The following SAMD5 variants were observed in gnomAD, a reference collection of about 807,000 sequenced individuals.
SAMD5 encodes sterile alpha motif domain-containing protein 5.
In SAMD5, 13 loss-of-function variants were observed where a neutral mutation model predicts 11.3. That is an observed-to-expected ratio of 1.15 (90% CI 0.75 to 1.83). The LOEUF (loss-of-function observed/expected upper bound fraction) is 1.83. Among genes scored for constraint, SAMD5 ranks in the 40% most tolerant of loss-of-function variants. The pLI, the probability that SAMD5 is intolerant of heterozygous loss-of-function variation, is 0.00. For missense variants in SAMD5, 255 were observed against 239.1 expected (o/e 1.07, Z -0.44); for synonymous variants, 129 against 111.3 (o/e 1.16, Z -1.00).
chr6:147,916,589 G>C, the SAMD5 span, among the ~76,000 whole-genome samples: 1 of 151,864 alleles, frequency 6.6e-6, no homozygotes, highest in African/African-American at 2.4e-5. Context: ...AAGTTTTAGG[G>C]TACATGTGTA....
In SAMD5 at chr6:147,567,002, A is replaced by G. The variant is rs1477642783; in HGVS notation, c.*2546A>G. ...AATTGACTAAGAATAAATATGTTATAAAAACTAGGGGATTATCTTGATTTA... is the reference window on the plus strand; with the variant it reads ...AATTGACTAAGAATAAATATGTTATGAAAACTAGGGGATTATCTTGATTTA... On this transcript the variant is annotated 3_prime_UTR_variant, in exon 2 of 2. Transcript: ENST00000367474. The G allele has an allele frequency of 1.2e-6, 1 of 845,812 alleles. No homozygotes were observed. Among genetic ancestry groups the G allele is most frequent in the Non-Finnish European group, 1.4e-6 (1 of 703,138 alleles). The allele number at this position is 845,812 out of a possible 1,614,324, so 52.4% of individuals were successfully genotyped here. A position where few individuals can be genotyped will look rare whatever the true frequency, so the allele number is the denominator to read the frequency against.
At chr6:147,530,458 C>T (rs1361158517) in intron 1 of SAMD5, among the ~76,000 whole-genome samples, 1 of 152,236 alleles carries the variant, frequency 6.6e-6, no homozygotes, top group African/African-American at 2.4e-5. Context: ...TTCCTATATG[C>T]TGAGGAGCAC....
downstream of SAMD5, among the ~76,000 whole-genome samples, chr6:147,571,507 G>T (rs1023499594): frequency 2.7e-5 from 4 of 150,032 alleles, no homozygotes; most frequent in African/African-American, 9.9e-5. Context: ...ACCTCCTAGA[G>T]TTACCCTGAG....
the SAMD5 span, among the ~76,000 whole-genome samples, chr6:147,770,474 C>T: frequency 6.6e-6 from 1 of 152,180 alleles, no homozygotes; most frequent in African/African-American, 2.4e-5. Context: ...CATTCATTGA[C>T]TGACTGAGTT....
chr6:147,856,632 A>G, the SAMD5 span, among the ~76,000 whole-genome samples: 1 of 152,208 alleles, frequency 6.6e-6, no homozygotes, highest in Non-Finnish European at 1.5e-5. Context: ...GACTACCACC[A>G]GAAACTATCT....
chr6:147,588,722 T>G (rs1789411519), intron 1 of SAMD5, among the ~76,000 whole-genome samples: 1 of 152,180 alleles, frequency 6.6e-6, no homozygotes, highest in South Asian at 2.1e-4. Flanking sequence ...AGATCACTAC[T>G]ATAACAGTTT....
chr6:147,760,843 GA>G, the SAMD5 span, among the ~76,000 whole-genome samples: 1 of 152,062 alleles, frequency 6.6e-6, no homozygotes, highest in African/African-American at 2.4e-5. Flanking sequence ...TTTTCAATTA[GA>G]ATTTGTAGAA....
intron 1 of SAMD5, among the ~76,000 whole-genome samples, chr6:147,670,533 T>C (rs1790780544): frequency 6.6e-6 from 1 of 152,262 alleles, no homozygotes; most frequent in African/African-American, 2.4e-5. Context: ...CTTTCACCCA[T>C]GATCTTAAAT....
chr6:147,743,564 T>TA, the SAMD5 span, among the ~76,000 whole-genome samples: 1 of 152,240 alleles, frequency 6.6e-6, no homozygotes, highest in Admixed American at 6.5e-5. Context: ...TTGTTTGTAT[T>TA]AAATATATTA....
the SAMD5 span, among the ~76,000 whole-genome samples, chr6:147,940,927 A>T: frequency 1.3e-5 from 2 of 152,146 alleles, no homozygotes. Context: ...GCGCCATTGC[A>T]CTTTAGCCTG....
intron 1 of SAMD5, among the ~76,000 whole-genome samples, chr6:147,680,145 A>T (rs576299953): frequency 1.3e-4 from 20 of 149,110 alleles, no homozygotes; most frequent in African/African-American, 4.7e-4. Flanking sequence ...GGAAAGAATT[A>T]ATGACAATGA....
chr6:147,896,629 C>G, the SAMD5 span, among the ~76,000 whole-genome samples: 1 of 144,812 alleles, frequency 6.9e-6, no homozygotes, highest in African/African-American at 2.5e-5. Context: ...TTTAAAGTAA[C>G]AATATTATTT....
the SAMD5 span, among the ~76,000 whole-genome samples, chr6:147,760,011 A>C: frequency 3.3e-4 from 50 of 152,334 alleles, no homozygotes; most frequent in African/African-American, 1.2e-3. Flanking sequence ...GAAAATAAAT[A>C]GGACTGTGTC....
At chr6:147,577,456 T>C (rs1789232943) in intron 1 of SAMD5, among the ~76,000 whole-genome samples, 1 of 152,196 alleles carries the variant, frequency 6.6e-6, no homozygotes, top group Non-Finnish European at 1.5e-5. Flanking sequence ...TGAGCCTGTC[T>C]GTCCTCCTTT....
intron 1 of SAMD5, among the ~76,000 whole-genome samples, chr6:147,518,606 G>T (rs1190218942): frequency 1.3e-5 from 2 of 152,168 alleles, no homozygotes; most frequent in African/African-American, 2.4e-5. Flanking sequence ...ATCCTGAGGT[G>T]AAGACACCCT....
intron 1 of SAMD5, among the ~76,000 whole-genome samples, chr6:147,626,775 G>A (rs1196446735): frequency 5.3e-5 from 5 of 94,714 alleles, no homozygotes; most frequent in Admixed American, 1.6e-4. Flanking sequence ...GCAACATAAC[G>A]AGACACTGTT....
rs147897032 is a variant in SAMD5, at chr6:147,584,948, C to T, written c.162+75561C>T. Among the ~76,000 whole-genome samples, 13 of 152,186 alleles carry T rather than the reference C, an allele frequency of 8.5e-5. No individual in the cohort carries two copies. The East Asian group carries it at 2.3e-3, about 27-fold the overall frequency. On this transcript the variant is annotated intron_variant, in intron 1 of 1. Coordinates refer to the SAMD5 transcript ENST00000566741. ...GCTGGTGAAAATAGATGTTACAAAC[C>T]AATGGTCCTTAATACTTCAGGATGC...
intron 1 of SAMD5, among the ~76,000 whole-genome samples, chr6:147,594,999 A>G (rs925244755): frequency 1.2e-4 from 19 of 152,228 alleles, no homozygotes; most frequent in Non-Finnish European, 2.6e-4. Context: ...GGTGGAAAAT[A>G]TAACTTATCC....
intron 1 of SAMD5, among the ~76,000 whole-genome samples, chr6:147,700,555 G>T (rs1056275837): frequency 6.6e-6 from 1 of 151,446 alleles, no homozygotes. Context: ...GGTATAACAG[G>T]TCTGCATTTG....
Sources: allele counts gnomAD v4.1 joint callset (sites outside exome capture counted in the v4.1 genomes callset), GRCh38; gene constraint gnomAD v4.1.1; transcripts MANE v1.5; gene names NCBI Gene and HGNC (gene_info 2026-07-23, HGNC 2026-07-21).